Variants in BACH2 observed in about 807,000 individuals in gnomAD.
BACH2 encodes the protein BACH transcriptional regulator 2.
In BACH2, 5 loss-of-function variants were observed where a neutral mutation model predicts 61.8. The ratio of observed to expected loss-of-function variants is 0.08; its 90% CI spans 0.04 to 0.17. BACH2 has a LOEUF of 0.17. Among genes scored for constraint, BACH2 ranks in the 10% least tolerant of loss-of-function variants. BACH2 has a pLI of 1.00. For missense variants in BACH2, 824 were observed against 1,091.1 expected, an observed-to-expected ratio of 0.76 and a Z score of 3.45; for synonymous variants, 446 against 440.1, an observed-to-expected ratio of 1.01 and a Z score of -0.17.
At chr6:90,078,947 CTT>C (rs949474793) in intron 5 of BACH2, among the ~76,000 whole-genome samples, 1 of 152,148 alleles carries the variant, frequency 6.6e-6, no homozygotes, top group Non-Finnish European at 1.5e-5. Flanking sequence ...GAACTGCCCT[CTT>C]GACTCATCCA....
At chr6:90,181,013 T>A (rs1426972817) in intron 4 of BACH2, among the ~76,000 whole-genome samples, 2 of 152,168 alleles carry the variant, frequency 1.3e-5, no homozygotes. Flanking sequence ...TATAGTGACT[T>A]CTTCTTTGGG....
intron 2 of BACH2, among the ~76,000 whole-genome samples, chr6:90,261,192 C>A (rs1480839377): frequency 6.6e-6 from 1 of 152,168 alleles, no homozygotes; most frequent in Non-Finnish European, 1.5e-5. Context: ...TTGTTCCCAT[C>A]TATTAAAAAC....
At chr6:90,137,987 C>G (rs1784332725) in intron 4 of BACH2, among the ~76,000 whole-genome samples, 1 of 151,766 alleles carries the variant, frequency 6.6e-6, no homozygotes, top group Non-Finnish European at 1.5e-5. Context: ...GAAGTGGTGA[C>G]AGCGATGACT....
chr6:90,118,964 TATG>T (rs1256057108), intron 4 of BACH2, among the ~76,000 whole-genome samples: 1 of 152,234 alleles, frequency 6.6e-6, no homozygotes, highest in Non-Finnish European at 1.5e-5. Context: ...GTAAGATTTT[TATG>T]ATGATTAAAG....
intron 5 of BACH2, among the ~76,000 whole-genome samples, chr6:90,050,718 AT>A (rs1313242078): frequency 6.6e-6 from 1 of 152,102 alleles, no homozygotes; most frequent in African/African-American, 2.4e-5. Context: ...TTAATTTCTA[AT>A]AAGGTAAATA....
intron 1 of BACH2, among the ~76,000 whole-genome samples, chr6:90,276,103 G>A (rs959285145): frequency 1.3e-5 from 2 of 152,158 alleles, no homozygotes; most frequent in African/African-American, 4.8e-5. Context: ...TAAAGGAGAG[G>A]CTTTCAATAA....
chr6:90,044,176 GA>G (rs1252036018), intron 5 of BACH2, among the ~76,000 whole-genome samples: 1 of 152,146 alleles, frequency 6.6e-6, no homozygotes, highest in Non-Finnish European at 1.5e-5. Context: ...TGCTGTAGAG[GA>G]AAAAAATAAG....
intron 3 of BACH2, chr6:90,218,125 G>C (rs1460493457): frequency 6.6e-6 from 1 of 152,080 alleles, no homozygotes; most frequent in African/African-American, 2.4e-5. Flanking sequence ...GTGTCATGTT[G>C]GCGTCAGGAC....
intron 4 of BACH2, among the ~76,000 whole-genome samples, chr6:90,191,554 A>T (rs971616169): frequency 1.3e-5 from 2 of 152,236 alleles, no homozygotes; most frequent in African/African-American, 4.8e-5. Flanking sequence ...AATGTGACGG[A>T]ATGGAAACGT....
chr6:90,054,101 G>C (rs145134444), intron 5 of BACH2, among the ~76,000 whole-genome samples: 1 of 152,324 alleles, frequency 6.6e-6, no homozygotes, highest in East Asian at 1.9e-4. Flanking sequence ...TCTCACTGGG[G>C]AGTGCCAGAT....
At chr6:90,280,609 T>C (rs1217573857) in intron 1 of BACH2, among the ~76,000 whole-genome samples, 1 of 152,210 alleles carries the variant, frequency 6.6e-6, no homozygotes, top group African/African-American at 2.4e-5. Flanking sequence ...TTGATGTTTA[T>C]GTGAGACCCC....
intron 3 of BACH2, among the ~76,000 whole-genome samples, chr6:90,235,579 T>C (rs964005216): frequency 6.6e-6 from 1 of 152,198 alleles, no homozygotes; most frequent in Non-Finnish European, 1.5e-5. Context: ...CCCAGCTACC[T>C]GGGAGGTGGA....
intron 6 of BACH2, among the ~76,000 whole-genome samples, chr6:89,991,543 A>G (rs1776568081): frequency 6.6e-6 from 1 of 152,238 alleles, no homozygotes; most frequent in Non-Finnish European, 1.5e-5. Flanking sequence ...TGCAGACACC[A>G]TGACATTTAA....
At chr6:89,957,407 A>G (rs1010621349) in intron 6 of BACH2, among the ~76,000 whole-genome samples, 1 of 152,122 alleles carries the variant, frequency 6.6e-6, no homozygotes, top group East Asian at 1.9e-4. Flanking sequence ...TATTTTATCT[A>G]TTTTTACAGA....
At chr6:90,085,495 C>T (rs1433670192) in intron 5 of BACH2, among the ~76,000 whole-genome samples, 5 of 152,184 alleles carry the variant, frequency 3.3e-5, no homozygotes, top group Non-Finnish European at 5.9e-5. Flanking sequence ...CGCTTTCCTT[C>T]GCCCCAGTGA....
intron 3 of BACH2, among the ~76,000 whole-genome samples, chr6:90,207,900 T>C (rs1278399436): frequency 6.6e-6 from 1 of 152,186 alleles, no homozygotes; most frequent in Admixed American, 6.5e-5. Flanking sequence ...AAAATGATTT[T>C]GCAATTTACA....
intron 6 of BACH2, among the ~76,000 whole-genome samples, chr6:89,970,492 C>G (rs1324884151): frequency 1.3e-5 from 2 of 152,176 alleles, no homozygotes; most frequent in Non-Finnish European, 2.9e-5. Flanking sequence ...TTTATACATG[C>G]ATTTGTATAT....
At chr6:90,181,913 G>A (rs775068969) in intron 4 of BACH2, among the ~76,000 whole-genome samples, 1 of 152,172 alleles carries the variant, frequency 6.6e-6, no homozygotes, top group Non-Finnish European at 1.5e-5. Flanking sequence ...TCTGCAGTCT[G>A]AGCCCTGAAG....
intron 6 of BACH2, among the ~76,000 whole-genome samples, chr6:89,976,563 G>A (rs1775664410): frequency 6.6e-6 from 1 of 152,186 alleles, no homozygotes; most frequent in South Asian, 2.1e-4. Flanking sequence ...CAACTCAAAT[G>A]TCCCTTGCTT....
Sources: gnomAD v4.1 joint callset for allele counts (sites outside exome capture counted in the v4.1 genomes callset) on GRCh38, gnomAD v4.1.1 for gene constraint, MANE v1.5 for transcripts, NCBI Gene and HGNC (gene_info 2026-07-23, HGNC 2026-07-21) for gene names.